ABCC4: variants seen among roughly 807,000 people sequenced by gnomAD.
The protein encoded by ABCC4 is ATP-binding cassette sub-family C member 4.
A neutral mutation model predicts 168.5 loss-of-function variants in ABCC4; 102 were observed. That is an observed-to-expected ratio of 0.61 (90% CI 0.52 to 0.71). The LOEUF is 0.71. Among genes scored for constraint, ABCC4 ranks in the 30% least tolerant of loss-of-function variants. ABCC4 has a pLI of 0.00. For missense variants in ABCC4, 1,402 were observed against 1,605.8 expected (o/e 0.87, Z 2.17); for synonymous variants, 617 against 590.7 (o/e 1.04, Z -0.65).
At chr13:95,255,346 G>A (rs1040442188) in intron 1 of ABCC4, among the ~76,000 whole-genome samples, 2 of 152,198 alleles carry the variant, frequency 1.3e-5, no homozygotes, top group East Asian at 3.8e-4. Flanking sequence ...CTGGCTCCAA[G>A]GGGAGCCCGA....
Position 95,021,646 on chromosome 13 carries a change from T to C in ABCC4, c.3907A>G (p.Thr1303Ala), listed in dbSNP as rs781705496. ...GAAGTGTTTGTAACCATGTGGTCAG[T>C]GTGACCAATATGTGGATAATTTCTT... is the stretch of plus-strand genomic sequence containing the variant. ...FKRNYPHIGH[T>A]DHMVTNTSNG... is the part of the protein sequence containing the mutation. Residue 1303 changes from threonine to alanine, a missense_variant, in exon 31 of 31, where the codon ACT becomes GCT. Physicochemically the swap from Thr to Ala is moderately conservative, Grantham distance 58 (BLOSUM62 0). Around this residue, in one of 3 missense-constraint regions of ABCC4, gnomAD observed 1,007 missense variants for 1,127.3 expected, o/e 0.89. Coordinates refer to ENST00000645237, the MANE Select transcript of ABCC4 (RefSeq NM_005845.5). 4.3e-6 allele frequency: 7 copies of C among 1,612,372 alleles called. No homozygotes were observed. The highest frequency in any genetic ancestry group is 5.9e-6 in the Non-Finnish European group (7 of 1,178,630).
chr13:95,228,757 CTG>C (rs1294692429), intron 4 of ABCC4, among the ~76,000 whole-genome samples: 5 of 144,674 alleles, frequency 3.5e-5, no homozygotes, highest in African/African-American at 1.3e-4. Flanking sequence ...GAGCAAGACT[CTG>C]TCTTGAAAAA....
At position 95,071,720 on chromosome 13, in the gene ABCC4, C is replaced by T. The variant is rs1159620261; in HGVS notation, c.3152G>A (p.Ser1051Asn). Residue 1051 changes from serine (S) to asparagine (N), a missense_variant, in exon 25 of 31, where the codon AGT becomes AAT. Physicochemically the swap from Ser to Asn is conservative, Grantham distance 46. Around this residue, in one of 3 missense-constraint regions of ABCC4, gnomAD observed 1,007 missense variants for 1,127.3 expected, o/e 0.89. Coordinates refer to ENST00000645237, the MANE Select transcript of ABCC4 (RefSeq NM_005845.5). ...CTTCAGTACCAGAGGCCCACCTGGA[C>T]TGTACATGAAGTTCACATTGTCAAA... Reference protein sequence around the residue: ...IIFDNVNFMYSPGGPLVLKHL... With the variant: ...IIFDNVNFMYNPGGPLVLKHL... 1 of 1,585,992 alleles carries T rather than the reference C, an allele frequency of 6.3e-7. No homozygotes were observed. The highest frequency in any genetic ancestry group is 2.3e-5 in the East Asian group (1 of 43,392).
At chr13:95,164,757 C>T (rs41277660) in intron 15 of ABCC4, among the ~76,000 whole-genome samples, 7,688 of 152,116 alleles carry the variant, frequency 0.051, 275 homozygotes, top group Middle Eastern at 0.13. Flanking sequence ...TGTAGTGGCG[C>T]GATCTTGGCT....
chr13:95,134,873 G>C (rs1007619038), intron 19 of ABCC4, among the ~76,000 whole-genome samples: 1 of 152,146 alleles, frequency 6.6e-6, no homozygotes, highest in African/African-American at 2.4e-5. Flanking sequence ...ACACCCAGGA[G>C]CTTGGGGCCT....
intron 19 of ABCC4, among the ~76,000 whole-genome samples, chr13:95,156,821 G>A (rs1469410106): frequency 6.6e-6 from 1 of 152,028 alleles, no homozygotes; most frequent in Non-Finnish European, 1.5e-5. Context: ...GGCAGGGCGC[G>A]GTAGCTCACG....
chr13:95,072,050 A>T (rs2033744305), intron 24 of ABCC4, among the ~76,000 whole-genome samples, 197 bp from the exon 25 acceptor site: 1 of 152,230 alleles, frequency 6.6e-6, no homozygotes. Flanking sequence ...TTCCTTCAAC[A>T]TTAGGTTAAA....
intron 8 of ABCC4, among the ~76,000 whole-genome samples, chr13:95,200,958 C>T (rs1471421443): frequency 6.6e-6 from 1 of 152,162 alleles, no homozygotes; most frequent in East Asian, 1.9e-4. Flanking sequence ...GACTTCAACA[C>T]CACCATGAAG....
intron 30 of ABCC4, among the ~76,000 whole-genome samples, chr13:95,022,284 G>A (rs1455782319): frequency 7.9e-5 from 12 of 152,138 alleles, no homozygotes; most frequent in Non-Finnish European, 1.8e-4. Flanking sequence ...ACTCAACCAA[G>A]CAACTTCTCT....
chr13:95,131,543 T>A (rs2035964549), intron 19 of ABCC4, among the ~76,000 whole-genome samples: 1 of 152,032 alleles, frequency 6.6e-6, no homozygotes, highest in Non-Finnish European at 1.5e-5. Flanking sequence ...GCAGAAGAAT[T>A]GCCTGAACCC....
At chr13:95,224,456 G>A (rs1221581974) in intron 4 of ABCC4, among the ~76,000 whole-genome samples, 1 of 152,140 alleles carries the variant, frequency 6.6e-6, no homozygotes, top group Non-Finnish European at 1.5e-5. Context: ...AGAAATGTTG[G>A]CCAGTCGTGG....
At chr13:95,123,238 C>T (rs1412324194) in intron 19 of ABCC4, among the ~76,000 whole-genome samples, 2 of 152,228 alleles carry the variant, frequency 1.3e-5, no homozygotes, top group African/African-American at 4.8e-5. Flanking sequence ...GGACTCATTC[C>T]TTTCCTGCTG....
intron 30 of ABCC4, among the ~76,000 whole-genome samples, chr13:95,031,785 G>C (rs745880963): frequency 7.2e-5 from 11 of 152,162 alleles, no homozygotes; most frequent in Non-Finnish European, 1.3e-4. Context: ...TGGGGCCTTA[G>C]TTTCCTCATC....
chr13:95,260,188 C>T (rs1470964188), intron 1 of ABCC4, among the ~76,000 whole-genome samples: 2 of 152,328 alleles, frequency 1.3e-5, no homozygotes, highest in South Asian at 2.1e-4. Flanking sequence ...ATGGGAAGCA[C>T]TTGTCTGACA....
intron 20 of ABCC4, among the ~76,000 whole-genome samples, chr13:95,097,338 T>C (rs549304854): frequency 4.2e-4 from 64 of 152,266 alleles, no homozygotes; most frequent in Admixed American, 1.8e-3. Flanking sequence ...TAAATGTACA[T>C]GGATGAAACT....
intron 4 of ABCC4, among the ~76,000 whole-genome samples, chr13:95,214,375 T>C (rs2039052073): frequency 6.6e-6 from 1 of 152,118 alleles, no homozygotes; most frequent in Non-Finnish European, 1.5e-5. Context: ...AAAAAATATT[T>C]GAACAAATAA....
At chr13:95,075,659 C>A in intron 21 of ABCC4, 108 bp from the exon 22 acceptor site, 1 of 1,434,026 alleles carries the variant, frequency 7.0e-7, no homozygotes, top group Non-Finnish European at 9.4e-7. Context: ...CGCAGGCCTC[C>A]TAGGAGGCTT....
At chr13:95,253,606 G>A (rs546299701) in intron 1 of ABCC4, among the ~76,000 whole-genome samples, 6 of 151,992 alleles carry the variant, frequency 3.9e-5, no homozygotes, top group African/African-American at 1.2e-4. Flanking sequence ...TTAGCCGGGC[G>A]TGGTGGAGGA....
intron 20 of ABCC4, among the ~76,000 whole-genome samples, chr13:95,105,106 G>T (rs1355579592): frequency 1.3e-5 from 2 of 151,896 alleles, no homozygotes; most frequent in Non-Finnish European, 2.9e-5. Flanking sequence ...GGTCCCATCT[G>T]GGGGTGATGG....
Sources: gnomAD v4.1 joint callset for allele counts (sites outside exome capture counted in the v4.1 genomes callset) on GRCh38, gnomAD v4.1.1 for gene constraint, gnomAD v4.1.1 regional missense constraint, MANE v1.5 for transcripts, NCBI Gene and HGNC (gene_info 2026-07-23, HGNC 2026-07-21) for gene names.